Variants in COL5A2 observed in about 807,000 individuals in gnomAD.
COL5A2 encodes the protein collagen type V alpha 2 chain.
COL5A2 carries 23 observed loss-of-function variants against 208.2 expected under a neutral mutation model. The observed-to-expected ratio is 0.11, with a 90% CI of 0.08 to 0.16. The LOEUF (loss-of-function observed/expected upper bound fraction) is 0.16, where lower values mean the gene tolerates loss of function less well. Among genes scored for constraint, COL5A2 ranks in the 10% least tolerant of loss-of-function variants. The pLI, the probability that COL5A2 is intolerant of heterozygous loss-of-function variation, is 1.00. For missense variants in COL5A2, 1,590 were observed against 1,956.4 expected (o/e 0.81, Z 3.53); for synonymous variants, 625 against 628.5 (o/e 0.99, Z 0.08).
chr2:189,368,740 A>G, the COL5A2 span, among the ~76,000 whole-genome samples: 2 of 152,190 alleles, frequency 1.3e-5, no homozygotes, highest in African/African-American at 4.8e-5. Context: ...ACCAAAGGAA[A>G]GTCCTTAATT....
At chr2:189,430,813 A>T in the COL5A2 span, among the ~76,000 whole-genome samples, 1 of 152,336 alleles carries the variant, frequency 6.6e-6, no homozygotes, top group East Asian at 1.9e-4. Context: ...CTCTGAAGAG[A>T]GCAGTGGTTC....
At chr2:189,144,105 C>G (rs994767869) in intron 1 of COL5A2, among the ~76,000 whole-genome samples, 5 of 152,092 alleles carry the variant, frequency 3.3e-5, no homozygotes, top group Non-Finnish European at 5.9e-5. Flanking sequence ...GGGGTGTGGA[C>G]ATTCAAACAC....
chr2:189,342,239 T>A, the COL5A2 span, among the ~76,000 whole-genome samples: 1 of 149,866 alleles, frequency 6.7e-6, no homozygotes, highest in Admixed American at 6.7e-5. Context: ...AGCTTAGGAA[T>A]TTTAGATAAA....
rs373978616 is a variant in COL5A2, at chr2:189,075,443, T to G, written c.1060-6A>C. 1.2e-6 allele frequency: 2 copies of G among 1,603,564 alleles called. No individual in the cohort carries two copies. The highest frequency in any genetic ancestry group is 2.2e-5 in the East Asian group (1 of 44,710). ...CCATGTGCACCTCGTTGTCCCTAAT[T>G]AAGAGAAAAAGAGACAAGACAGGAT... On this transcript the variant is annotated splice_polypyrimidine_tract_variant and splice_region_variant and intron_variant, in intron 16 of 53. Coordinates refer to ENST00000374866, the MANE Select transcript of COL5A2 (RefSeq NM_000393.5).
At chr2:189,061,450 T>A in intron 30 of COL5A2, 112 bp downstream of exon 30, 1 of 828,700 alleles carries the variant, frequency 1.2e-6, no homozygotes. Context: ...AAAAGAGGGA[T>A]GACTTTTTGA....
intron 1 of COL5A2, among the ~76,000 whole-genome samples, chr2:189,145,774 A>G (rs1424468978): frequency 6.6e-6 from 1 of 152,170 alleles, no homozygotes; most frequent in Admixed American, 6.5e-5. Flanking sequence ...AGTATATGAG[A>G]TAAGGCATAA....
the COL5A2 span, among the ~76,000 whole-genome samples, chr2:189,289,809 A>G: frequency 6.6e-6 from 1 of 152,192 alleles, no homozygotes; most frequent in East Asian, 1.9e-4. Context: ...TACCAAAGTA[A>G]TAAAATACTT....
intron 2 of COL5A2, among the ~76,000 whole-genome samples, chr2:189,104,707 C>T (rs1372653215): frequency 6.6e-6 from 1 of 151,648 alleles, no homozygotes; most frequent in Non-Finnish European, 1.5e-5. Context: ...TCCTGTGTTC[C>T]CTATTTCCAC....
chr2:189,105,646 T>TG (rs1576530429), intron 2 of COL5A2, among the ~76,000 whole-genome samples: 1 of 151,646 alleles, frequency 6.6e-6, no homozygotes, highest in East Asian at 1.9e-4. Flanking sequence ...CTTTGCTCAT[T>TG]TTTTGTGTCA....
the COL5A2 span, among the ~76,000 whole-genome samples, chr2:189,248,497 T>C: frequency 6.6e-6 from 1 of 152,188 alleles, no homozygotes; most frequent in East Asian, 1.9e-4. Context: ...CAAATGTGTA[T>C]CATAGAAACA....
In COL5A2 at chr2:189,048,144, T is replaced by C. The variant is rs926174338; in HGVS notation, c.3201+65A>G. On this transcript the variant is annotated intron_variant, in intron 45 of 53. Transcript: ENST00000374866. ...TATCAGGAAAAATGACAGTTTTTAG[T>C]GTAAATTAAAAAGATTTCAGATTTG... is the stretch of plus-strand genomic sequence containing the variant. 8.3e-6 allele frequency: 12 copies of C among 1,446,622 alleles called. No homozygotes were observed. In the African/African-American group the frequency reaches 1.7e-4, roughly 20 times the overall value. The allele number at this position is 1,446,622 out of a possible 1,614,324, so 89.6% of individuals were successfully genotyped here. A position where few individuals can be genotyped will look rare whatever the true frequency, so the allele number is the denominator to read the frequency against.
intron 1 of COL5A2, among the ~76,000 whole-genome samples, chr2:189,149,507 G>A (rs1688104423): frequency 6.6e-6 from 1 of 152,002 alleles, no homozygotes. Flanking sequence ...ATAGTCACAT[G>A]GAATGCAATT....
At chr2:189,372,448 T>C in the COL5A2 span, among the ~76,000 whole-genome samples, 1 of 152,162 alleles carries the variant, frequency 6.6e-6, no homozygotes, top group Non-Finnish European at 1.5e-5. Flanking sequence ...TACAGACATA[T>C]ATCAAGCTCA....
chr2:189,039,130 A>C, intron 51 of COL5A2, 142 bp downstream of exon 51: 2 of 1,062,162 alleles, frequency 1.9e-6, no homozygotes, highest in Non-Finnish European at 2.8e-6. Flanking sequence ...TCCACCATTA[A>C]ATTATAAGCT....
chr2:189,278,610 C>T, the COL5A2 span, among the ~76,000 whole-genome samples: 14 of 152,022 alleles, frequency 9.2e-5, no homozygotes, highest in Admixed American at 1.3e-4. Context: ...TGGCACACTC[C>T]GAGCTTTCAA....
At chr2:189,401,664 A>G in the COL5A2 span, among the ~76,000 whole-genome samples, 3 of 152,196 alleles carry the variant, frequency 2.0e-5, no homozygotes, top group Non-Finnish European at 4.4e-5. Flanking sequence ...TGGTTTAACT[A>G]ATTTACACTC....
the COL5A2 span, among the ~76,000 whole-genome samples, chr2:189,243,168 T>C: frequency 1.3e-5 from 2 of 150,484 alleles, no homozygotes; most frequent in Non-Finnish European, 3.0e-5. Context: ...GAAAAGAGAG[T>C]AGAAGAACAC....
chr2:189,320,829 C>T, the COL5A2 span, among the ~76,000 whole-genome samples: 1 of 152,144 alleles, frequency 6.6e-6, no homozygotes, highest in African/African-American at 2.4e-5. Context: ...CACAAAGATA[C>T]TCCTCGAGAA....
chr2:189,432,946 C>G, the COL5A2 span, among the ~76,000 whole-genome samples: 14 of 152,024 alleles, frequency 9.2e-5, no homozygotes, highest in African/African-American at 3.4e-4. Context: ...ACACTCCTCA[C>G]CAAATGTAAA....
Sources: allele counts gnomAD v4.1 joint callset (sites outside exome capture counted in the v4.1 genomes callset), GRCh38; gene constraint gnomAD v4.1.1; transcripts MANE v1.5; gene names NCBI Gene and HGNC (gene_info 2026-07-23, HGNC 2026-07-21).